PTPRD: variants seen among roughly 807,000 people sequenced by gnomAD.
PTPRD encodes protein tyrosine phosphatase receptor type D.
Under a neutral mutation model 214.5 loss-of-function variants are expected in PTPRD, and 34 were observed. The ratio of observed to expected loss-of-function variants is 0.16; its 90% CI spans 0.12 to 0.21. The LOEUF (loss-of-function observed/expected upper bound fraction) is 0.21. Ranked by LOEUF, PTPRD falls within the 10% of genes least tolerant of loss-of-function variation. The pLI, the probability that PTPRD is intolerant of heterozygous loss-of-function variation, is 1.00. For missense variants in PTPRD, 2,545 were observed against 2,398.7 expected (o/e 1.06, Z -1.27); for synonymous variants, 1,128 against 845.7 (o/e 1.33, Z -5.79).
chr9:9,993,437 G>T (rs956223738), intron 4 of PTPRD, among the ~76,000 whole-genome samples: 39 of 152,158 alleles, frequency 2.6e-4, no homozygotes, highest in Non-Finnish European at 4.6e-4. Flanking sequence ...ATAAGTAGTG[G>T]TGAGATGATC....
intron 3 of PTPRD, among the ~76,000 whole-genome samples, chr9:10,290,894 T>TA (rs1288948970): frequency 6.6e-6 from 1 of 152,092 alleles, no homozygotes; most frequent in East Asian, 1.9e-4. Flanking sequence ...CTGTTGAATA[T>TA]AAAATAAACC....
intron 11 of PTPRD, among the ~76,000 whole-genome samples, chr9:8,912,100 T>G (rs376989459): frequency 6.6e-6 from 1 of 152,140 alleles, no homozygotes; most frequent in Non-Finnish European, 1.5e-5. Flanking sequence ...TTTTGACAAT[T>G]CTGTAAAATG....
intron 3 of PTPRD, among the ~76,000 whole-genome samples, chr9:10,247,926 G>C (rs1243097901): frequency 6.6e-6 from 1 of 152,130 alleles, no homozygotes; most frequent in Non-Finnish European, 1.5e-5. Context: ...GAGGGACCCA[G>C]TGATAGACGA....
chr9:10,223,104 T>C (rs1216271107), intron 3 of PTPRD, among the ~76,000 whole-genome samples: 1 of 152,022 alleles, frequency 6.6e-6, no homozygotes, highest in African/African-American at 2.4e-5. Flanking sequence ...CTCTATTCAA[T>C]TACTTTGTTT....
At chr9:10,485,404 T>C (rs1373414819) in intron 2 of PTPRD, among the ~76,000 whole-genome samples, 2 of 152,096 alleles carry the variant, frequency 1.3e-5, no homozygotes, top group African/African-American at 4.8e-5. Context: ...AGAAATGTCA[T>C]TGGCATTTTG....
intron 5 of PTPRD, among the ~76,000 whole-genome samples, chr9:9,875,899 A>T (rs2066714488): frequency 6.6e-6 from 1 of 152,158 alleles, no homozygotes; most frequent in African/African-American, 2.4e-5. Flanking sequence ...AGGGTCCAAG[A>T]TAATGGTTTT....
chr9:9,609,215 T>G (rs563179704), intron 7 of PTPRD, among the ~76,000 whole-genome samples: 5 of 152,294 alleles, frequency 3.3e-5, no homozygotes, highest in African/African-American at 9.6e-5. Context: ...GCCCAATATT[T>G]AAAAACTCAG....
intron 2 of PTPRD, among the ~76,000 whole-genome samples, chr9:10,396,506 T>C (rs1419723758): frequency 2.0e-5 from 3 of 152,144 alleles, no homozygotes; most frequent in South Asian, 4.1e-4. Context: ...CCCAGTTCTA[T>C]TCTTCTGTCA....
chr9:10,408,967 T>G (rs1215231515), intron 2 of PTPRD, among the ~76,000 whole-genome samples: 1 of 151,770 alleles, frequency 6.6e-6, no homozygotes, highest in Non-Finnish European at 1.5e-5. Flanking sequence ...TGCTGAATAT[T>G]AATATGAAAC....
At chr9:8,952,984 G>C (rs1000086647) in intron 11 of PTPRD, among the ~76,000 whole-genome samples, 1 of 151,884 alleles carries the variant, frequency 6.6e-6, no homozygotes, top group African/African-American at 2.4e-5. Context: ...TAAAATGTTT[G>C]CAGGCCCAGA....
At chr9:10,570,569 T>TAC (rs745717432) in intron 2 of PTPRD, among the ~76,000 whole-genome samples, 106 of 150,476 alleles carry the variant, frequency 7.0e-4, no homozygotes, top group African/African-American at 1.8e-3. Context: ...TGCACACACA[T>TAC]ACACACACAC....
chr9:8,349,018 A>G (rs889580807), intron 39 of PTPRD, among the ~76,000 whole-genome samples: 6 of 151,530 alleles, frequency 4.0e-5, no homozygotes, highest in Non-Finnish European at 4.4e-5. Flanking sequence ...AGGGAAATTG[A>G]AGGTGCTCAA....
intron 35 of PTPRD, among the ~76,000 whole-genome samples, chr9:8,420,066 C>T (rs1589942184): frequency 6.6e-6 from 1 of 152,028 alleles, no homozygotes; most frequent in African/African-American, 2.4e-5. Flanking sequence ...CAAACGTAGA[C>T]AAAAATGCCA....
chr9:9,125,263 T>C (rs894349467), intron 10 of PTPRD, among the ~76,000 whole-genome samples: 6 of 152,186 alleles, frequency 3.9e-5, no homozygotes, highest in African/African-American at 1.4e-4. Flanking sequence ...TTATATTACC[T>C]AGCCAAACTT....
intron 10 of PTPRD, among the ~76,000 whole-genome samples, chr9:9,151,791 C>T (rs2099877010): frequency 6.6e-6 from 1 of 152,132 alleles, no homozygotes; most frequent in African/African-American, 2.4e-5. Flanking sequence ...TGACAGTTTT[C>T]ATCACAATGT....
At chr9:10,109,607 CCTAA>C (rs1317105039) in intron 3 of PTPRD, among the ~76,000 whole-genome samples, 8 of 152,136 alleles carry the variant, frequency 5.3e-5, no homozygotes, top group Non-Finnish European at 7.4e-5. Context: ...GTGCTGACTA[CCTAA>C]CTATTATTAT....
At position 10,090,509 on chromosome 9, in the gene PTPRD, TA is replaced by T. The variant is rs1016180016; in HGVS notation, c.-544-56720del. Among the ~76,000 whole-genome samples, 31 of 151,438 alleles carry T rather than the reference TA, an allele frequency of 2.0e-4. No homozygotes were observed. The Admixed American group carries it at 2.0e-3, about 10-fold the overall frequency. On this transcript the variant is annotated intron_variant, in intron 3 of 45. Coordinates refer to ENST00000381196, the MANE Select transcript of PTPRD (RefSeq NM_002839.4). ...CCATTCACCATGATTTTAACAACTTTATTTTGGTTGATTTTAGTCAAATATT... is the reference window on the plus strand; with the variant it reads ...CCATTCACCATGATTTTAACAACTTTTTTTGGTTGATTTTAGTCAAATATT...
intron 12 of PTPRD, among the ~76,000 whole-genome samples, chr9:8,728,711 G>T (rs547180797): frequency 6.6e-6 from 1 of 152,108 alleles, no homozygotes; most frequent in East Asian, 1.9e-4. Flanking sequence ...CTGGCACGGC[G>T]GCTCACACCT....
Position 9,386,725 on chromosome 9 carries a change from T to A in PTPRD, c.-203+10724A>T, listed in dbSNP as rs1247269072. 2.0e-5 allele frequency among the ~76,000 whole-genome samples: 3 copies of A among 152,184 alleles called. No homozygotes were observed. In the East Asian group the frequency reaches 5.8e-4, roughly 29 times the overall value. ...ACACAAATATTATGATTAATATTTC[T>A]GTGTTCATTGTTAAATTAACCCTCT... On this transcript the variant is annotated intron_variant, in intron 9 of 45. Coordinates refer to ENST00000381196, the MANE Select transcript of PTPRD (RefSeq NM_002839.4).
Sources: gnomAD v4.1 joint callset for allele counts (sites outside exome capture counted in the v4.1 genomes callset) on GRCh38, gnomAD v4.1.1 for gene constraint, MANE v1.5 for transcripts, NCBI Gene and HGNC (gene_info 2026-07-23, HGNC 2026-07-21) for gene names.